The following PI4KA variants were observed in gnomAD, a reference collection of about 807,000 sequenced individuals.
PI4KA encodes PI4-kinase alpha.
Under a neutral mutation model 271.4 loss-of-function variants are expected in PI4KA, and 122 were observed. The observed-to-expected ratio is 0.45, with a 90% confidence interval of 0.39 to 0.52. PI4KA has a LOEUF of 0.52. Ranked by LOEUF, PI4KA falls within the 20% of genes least tolerant of loss-of-function variation. The probability of loss-of-function intolerance (pLI) is 0.00; values close to 1 mark genes in which losing one functional copy is unlikely to be tolerated. For synonymous variants in PI4KA, 1,041 were observed against 1,078.8 expected (o/e 0.96, Z 0.69); for missense variants, 1,969 against 2,769.1 (o/e 0.71, Z 6.48).
rs374626008 is a variant in PI4KA, at chr22:20,727,405, G to A, written c.4774-8C>T. On this transcript the variant is annotated splice_polypyrimidine_tract_variant and splice_region_variant and intron_variant, in intron 40 of 54. Coordinates refer to ENST00000255882, the MANE Select transcript of PI4KA (RefSeq NM_058004.4). ...GTGCCAGGTGACCAGGAACTGCAGA[G>A]AAGGTGGGGAGATGCTGTGGCTTGG... The A allele has an allele frequency of 5.6e-6, 9 of 1,595,848 alleles. No individual in the cohort carries two copies. The highest frequency in any genetic ancestry group is 7.7e-6 in the Non-Finnish European group (9 of 1,171,014).
intron 1 of PI4KA, among the ~76,000 whole-genome samples, chr22:20,850,667 G>T (rs1056416168): frequency 6.6e-6 from 1 of 151,770 alleles, no homozygotes; most frequent in African/African-American, 2.4e-5. Context: ...TGGATTTCCT[G>T]ACCTCGTGAT....
chr22:20,788,661 C>G (rs988586816), intron 19 of PI4KA, among the ~76,000 whole-genome samples: 2 of 152,234 alleles, frequency 1.3e-5, no homozygotes, highest in Non-Finnish European at 2.9e-5. Context: ...TTGCCCCAAG[C>G]CATCCTCTCG....
chr22:20,723,704 G>A (rs1601335764), intron 42 of PI4KA, among the ~76,000 whole-genome samples: 1 of 152,008 alleles, frequency 6.6e-6, no homozygotes, highest in South Asian at 2.1e-4. Context: ...GGTGGTACAC[G>A]CTTGTAATCC....
Position 20,709,930 on chromosome 22 carries a change from C to T in PI4KA, c.6151G>A (p.Gly2051Ser), listed in dbSNP as rs1351174914. ...MLDTGLPCFRGQTIKLLKHRF... is the reference protein window; with the variant it reads ...MLDTGLPCFRSQTIKLLKHRF... The stretch of plus-strand genomic sequence containing the variant: ...TACTTCAAGAGCTTGATTGTCTGGC[C>T]GCGAAAACAGGGCAGGCCCGTGTCC... Residue 2051 changes from glycine to serine, a missense_variant, in exon 53 of 55, where the codon GGC (glycine) becomes AGC (serine). This residue lies in a region of PI4KA where 110 missense variants were observed against 349.8 expected (regional missense o/e 0.31). Coordinates refer to ENST00000255882, the MANE Select transcript of PI4KA (RefSeq NM_058004.4). The T allele has an allele frequency of 1.8e-5, 29 of 1,611,884 alleles. No homozygotes were observed. The highest frequency in any genetic ancestry group is 2.2e-5 in the South Asian group (2 of 91,030).
At chr22:20,780,035 A>C (rs1348255969) in intron 19 of PI4KA, 14 of 1,614,002 alleles carry the variant, frequency 8.7e-6, no homozygotes, top group Middle Eastern at 3.3e-4. Flanking sequence ...CTAAAGTAAG[A>C]GAGTATTACT....
intron 19 of PI4KA, among the ~76,000 whole-genome samples, chr22:20,788,944 G>T (rs1186989859): frequency 1.3e-5 from 2 of 152,154 alleles, no homozygotes; most frequent in African/African-American, 4.8e-5. Flanking sequence ...ACCCAGAAAG[G>T]CAGTGGTCAC....
At chr22:20,829,690 C>G (rs765773122) in intron 3 of PI4KA, among the ~76,000 whole-genome samples, 10 of 151,698 alleles carry the variant, frequency 6.6e-5, no homozygotes, top group Non-Finnish European at 1.3e-4. Context: ...TTCTTATCTT[C>G]TGCTAGCTTT....
chr22:20,817,595 G>A (rs540531555), intron 7 of PI4KA, among the ~76,000 whole-genome samples: 4 of 151,270 alleles, frequency 2.6e-5, no homozygotes, highest in African/African-American at 7.3e-5. Context: ...GTTAGTGGGC[G>A]TTGTGGAGGG....
At chr22:20,759,083 T>C (rs185955255) in intron 23 of PI4KA, among the ~76,000 whole-genome samples, 1 of 152,310 alleles carries the variant, frequency 6.6e-6, no homozygotes, top group African/African-American at 2.4e-5. Context: ...AGGGTCTTGC[T>C]CCGTCACCTA....
chr22:20,721,190 C>A, intron 43 of PI4KA, 108 bp downstream of exon 43: 1 of 1,160,490 alleles, frequency 8.6e-7, no homozygotes, highest in South Asian at 1.3e-5. Flanking sequence ...GTGGAGGGGT[C>A]GGTGAGCTGG....
At chr22:20,741,866 G>C (rs761327130) in intron 32 of PI4KA, among the ~76,000 whole-genome samples, 2 of 152,212 alleles carry the variant, frequency 1.3e-5, no homozygotes, top group Admixed American at 6.5e-5. Context: ...TGCAGGGAAA[G>C]GGGGCTGATC....
At position 20,793,247 on chromosome 22, in the gene PI4KA, G is replaced by A; in HGVS notation, c.2278-4C>T. 2 of 1,530,908 alleles carry A rather than the reference G, an allele frequency of 1.3e-6. No homozygotes were observed. Among genetic ancestry groups the A allele is most frequent in the Non-Finnish European group, 1.8e-6 (2 of 1,105,938 alleles). 94.8% of individuals were successfully genotyped at this position (1,530,908 alleles called of 1,614,324 possible). On this transcript the variant is annotated splice_region_variant and splice_polypyrimidine_tract_variant and intron_variant, in intron 18 of 54. Transcript: ENST00000255882. ...AGTTCCCTGCACTGCTAGAAGCCTA[G>A]AAAAGAACAGAATTATTGTCATTAA...
At chr22:20,782,667 A>T (rs984572017) in intron 19 of PI4KA, among the ~76,000 whole-genome samples, 1 of 152,202 alleles carries the variant, frequency 6.6e-6, no homozygotes, top group Non-Finnish European at 1.5e-5. Context: ...TTTGTCCCCA[A>T]GGTCTGAAGA....
At chr22:20,753,239 T>G in intron 23 of PI4KA, 59 bp from the exon 24 acceptor site, 2 of 1,446,940 alleles carry the variant, frequency 1.4e-6, no homozygotes, top group Non-Finnish European at 9.6e-7. Context: ...TCCTAGCAAC[T>G]TTCAATCATT....
intron 1 of PI4KA, among the ~76,000 whole-genome samples, chr22:20,839,452 G>T (rs559581371): frequency 6.6e-6 from 1 of 152,344 alleles, no homozygotes; most frequent in East Asian, 1.9e-4. Flanking sequence ...TGTTAGGACA[G>T]TCTAAGTGGG....
At chr22:20,821,585 G>A (rs944148632) in intron 4 of PI4KA, among the ~76,000 whole-genome samples, 1 of 134,152 alleles carries the variant, frequency 7.5e-6, no homozygotes, top group African/African-American at 3.0e-5. Flanking sequence ...TATAATCCCA[G>A]CACTTTTGTT....
At position 20,768,130 on chromosome 22, in the gene PI4KA, G is replaced by A. The variant is rs558407917; in HGVS notation, c.2329-2437C>T. 8.1e-4 allele frequency among the ~76,000 whole-genome samples: 124 copies of A among 152,204 alleles called. 2 individuals carry two copies. The Middle Eastern group carries it at 0.034, about 42-fold the overall frequency. On this transcript the variant is annotated intron_variant, in intron 19 of 54. Coordinates refer to ENST00000255882, the MANE Select transcript of PI4KA (RefSeq NM_058004.4). ...GTGTTCCTCAATTCCCAGACGGTGC[G>A]GCGGCCAGACAGAGGTGCTACTTAC...
chr22:20,714,158 G>A (rs1280102494), intron 47 of PI4KA, among the ~76,000 whole-genome samples: 3 of 152,028 alleles, frequency 2.0e-5, no homozygotes, highest in Admixed American at 6.5e-5. Flanking sequence ...GAGATCGTCC[G>A]TACGGTAGCC....
At chr22:20,739,327 A>C (rs1890333295) in intron 32 of PI4KA, among the ~76,000 whole-genome samples, 1 of 149,494 alleles carries the variant, frequency 6.7e-6, no homozygotes, top group South Asian at 2.1e-4. Flanking sequence ...TGACAGAGCG[A>C]GACTCCATCT....
Sources: allele counts gnomAD v4.1 joint callset (sites outside exome capture counted in the v4.1 genomes callset), GRCh38; gene constraint gnomAD v4.1.1; regional missense constraint gnomAD v4.1.1; transcripts MANE v1.5; gene names NCBI Gene and HGNC (gene_info 2026-07-23, HGNC 2026-07-21).